The following LRRC4C variants were observed in gnomAD, a reference collection of about 807,000 sequenced individuals.
LRRC4C encodes the protein leucine-rich repeat-containing protein 4C.
In LRRC4C, 5 loss-of-function variants were observed where a neutral mutation model predicts 33.6. The ratio of observed to expected loss-of-function variants is 0.15; its 90% CI spans 0.08 to 0.31. LRRC4C has a LOEUF of 0.31. Ranked by LOEUF, LRRC4C falls within the 10% of genes least tolerant of loss-of-function variation. The pLI is 1.00. For missense variants in LRRC4C, 560 were observed against 796.7 expected (o/e 0.70, Z 3.58); for synonymous variants, 329 against 302.0 (o/e 1.09, Z -0.93).
intron 2 of LRRC4C, among the ~76,000 whole-genome samples, chr11:40,704,386 G>A (rs888045100): frequency 6.6e-6 from 1 of 152,096 alleles, no homozygotes; most frequent in East Asian, 1.9e-4. Flanking sequence ...AATGGAGAAA[G>A]ACATTCTTCC....
rs60735627 is a variant in LRRC4C, at chr11:40,313,599, C to CT, written c.-176+6028dup. 2.7e-3 allele frequency among the ~76,000 whole-genome samples: 198 copies of CT among 72,530 alleles called. 16 individuals are homozygous for CT. Among genetic ancestry groups the CT allele is most frequent in the East Asian group, 0.018 (36 of 2,034 alleles). 47.6% of individuals were successfully genotyped at this position (72,530 alleles called of 152,430 possible). On this transcript the variant is annotated intron_variant, in intron 4 of 6. Transcript: ENST00000528697. ...AGAAAACATGCTAGGAGGGGAAATT[C>CT]TTTTTTTTTTTTTTTTTTTTTTTTT...
chr11:40,409,577 G>A (rs1008022251), intron 3 of LRRC4C, among the ~76,000 whole-genome samples: 2 of 151,948 alleles, frequency 1.3e-5, no homozygotes, highest in African/African-American at 4.8e-5. Context: ...ATTAAAAATG[G>A]ACAAAGGACC....
At chr11:40,797,037 A>G (rs1351479337) in intron 2 of LRRC4C, among the ~76,000 whole-genome samples, 1 of 152,194 alleles carries the variant, frequency 6.6e-6, no homozygotes, top group East Asian at 1.9e-4. Flanking sequence ...TGGAGTAGAC[A>G]GTGGAGAATA....
At chr11:40,464,094 A>G (rs1263196340) in intron 3 of LRRC4C, among the ~76,000 whole-genome samples, 1 of 152,060 alleles carries the variant, frequency 6.6e-6, no homozygotes, top group East Asian at 1.9e-4. Flanking sequence ...TCAAATAAAT[A>G]CTAGTAAACT....
intron 1 of LRRC4C, among the ~76,000 whole-genome samples, chr11:41,389,955 T>C (rs1031981732): frequency 6.6e-6 from 1 of 151,890 alleles, no homozygotes; most frequent in African/African-American, 2.4e-5. Flanking sequence ...GAGAAACATG[T>C]CCAAGGAAGA....
intron 1 of LRRC4C, among the ~76,000 whole-genome samples, chr11:40,973,074 C>G (rs1851839089): frequency 6.6e-6 from 1 of 152,096 alleles, no homozygotes; most frequent in South Asian, 2.1e-4. Flanking sequence ...TTCCTTTCAC[C>G]TTCCACTATG....
intron 3 of LRRC4C, among the ~76,000 whole-genome samples, chr11:40,480,471 G>A (rs1488052428): frequency 6.6e-6 from 1 of 151,964 alleles, no homozygotes; most frequent in Non-Finnish European, 1.5e-5. Flanking sequence ...TAACACCAGG[G>A]CATACTTGAA....
chr11:40,620,636 A>T (rs898368468), intron 3 of LRRC4C, among the ~76,000 whole-genome samples: 3 of 151,798 alleles, frequency 2.0e-5, no homozygotes, highest in Non-Finnish European at 2.9e-5. Context: ...TTTGTCACTT[A>T]CTCTAGACTA....
At chr11:40,397,123 C>T (rs1949572354) in intron 3 of LRRC4C, among the ~76,000 whole-genome samples, 1 of 151,948 alleles carries the variant, frequency 6.6e-6, no homozygotes, top group Non-Finnish European at 1.5e-5. Context: ...CTCTGATATC[C>T]TGTGATTTGT....
intron 5 of LRRC4C, among the ~76,000 whole-genome samples, chr11:40,233,231 T>C (rs1184449928): frequency 6.6e-6 from 1 of 152,232 alleles, no homozygotes; most frequent in African/African-American, 2.4e-5. Context: ...TGAAGGCCTA[T>C]CTTGTGTCCT....
At chr11:40,161,908 G>A (rs1267135434) in intron 5 of LRRC4C, among the ~76,000 whole-genome samples, 2 of 152,158 alleles carry the variant, frequency 1.3e-5, no homozygotes, top group Non-Finnish European at 2.9e-5. Flanking sequence ...TAACGTCTTA[G>A]TCCATTTGTG....
At chr11:41,393,221 T>C (rs1953673515) in intron 1 of LRRC4C, among the ~76,000 whole-genome samples, 1 of 151,940 alleles carries the variant, frequency 6.6e-6, no homozygotes, top group South Asian at 2.1e-4. Context: ...ATGTCGCTCA[T>C]ATTGTTTACG....
At chr11:41,383,839 T>C (rs1195679785) in intron 1 of LRRC4C, among the ~76,000 whole-genome samples, 1 of 151,806 alleles carries the variant, frequency 6.6e-6, no homozygotes, top group Non-Finnish European at 1.5e-5. Context: ...TTGTTGTTTA[T>C]AAGAGATTTA....
chr11:40,756,589 T>A (rs938493624), intron 2 of LRRC4C, among the ~76,000 whole-genome samples: 9 of 152,018 alleles, frequency 5.9e-5, no homozygotes, highest in Admixed American at 5.3e-4. Context: ...ATGCAAAATA[T>A]CCTTTGGTAT....
rs142356602 is a variant in LRRC4C at position 40,840,226 on chromosome 11, G to C, written c.-407+93409C>G. ...TAAGACAGCAAATCCTCCTATCAAA[G>C]AAAAACAGATATAAGCATAAATCAA... On this transcript the variant is annotated intron_variant, in intron 2 of 6. Transcript: ENST00000528697. Among the ~76,000 whole-genome samples, 12 of 152,192 alleles carry C rather than the reference G, an allele frequency of 7.9e-5. No individual in the cohort carries two copies. In the East Asian group the frequency reaches 2.1e-3, roughly 27 times the overall value.
At chr11:40,544,349 T>A (rs1956836366) in intron 3 of LRRC4C, among the ~76,000 whole-genome samples, 1 of 152,050 alleles carries the variant, frequency 6.6e-6, no homozygotes, top group Non-Finnish European at 1.5e-5. Context: ...CCAAGGTAGT[T>A]GCACTTCCCA....
rs11036092 is a variant in LRRC4C at position 40,829,888 on chromosome 11, C to T, written c.-407+103747G>A. ...TACAAATAAACTAATAACGCAGACACAATGAGGTGTGTTTAAAGTCCCCCA... is the reference window on the plus strand; with the variant it reads ...TACAAATAAACTAATAACGCAGACATAATGAGGTGTGTTTAAAGTCCCCCA... On this transcript the variant is annotated intron_variant, in intron 2 of 6. Transcript: ENST00000528697. Among the ~76,000 whole-genome samples, 140 of 151,920 alleles carry T rather than the reference C, an allele frequency of 9.2e-4. 1 individual carries two copies. Among genetic ancestry groups the T allele is most frequent in the Non-Finnish European group, 1.5e-3 (103 of 67,952 alleles).
At chr11:40,303,012 C>T (rs912897871) in intron 4 of LRRC4C, among the ~76,000 whole-genome samples, 13 of 152,082 alleles carry the variant, frequency 8.5e-5, no homozygotes, top group African/African-American at 1.2e-4. Flanking sequence ...ACAGCCACAT[C>T]AAGAATTATT....
intron 2 of LRRC4C, among the ~76,000 whole-genome samples, chr11:40,839,841 C>T (rs890008801): frequency 6.6e-6 from 1 of 152,108 alleles, no homozygotes; most frequent in Non-Finnish European, 1.5e-5. Flanking sequence ...GACATATATT[C>T]TTTAATTCCA....
Sources: gnomAD v4.1 joint callset for allele counts (sites outside exome capture counted in the v4.1 genomes callset) on GRCh38, gnomAD v4.1.1 for gene constraint, MANE v1.5 for transcripts, NCBI Gene and HGNC (gene_info 2026-07-23, HGNC 2026-07-21) for gene names.